ADD2: variants seen among roughly 807,000 people sequenced by gnomAD.
ADD2 encodes beta-adducin.
In ADD2, 23 loss-of-function variants were observed where a neutral mutation model predicts 83.0. The observed-to-expected ratio is 0.28, with a 90% CI of 0.20 to 0.39. The LOEUF (loss-of-function observed/expected upper bound fraction) is 0.39. ADD2 is among the 10% of genes least tolerant of loss of function. The probability of loss-of-function intolerance (pLI) is 1.00; values close to 1 mark genes in which losing one functional copy is unlikely to be tolerated. For missense variants in ADD2, 758 were observed against 944.9 expected, an observed-to-expected ratio of 0.80 and a Z score of 2.59; for synonymous variants, 375 against 375.4, an observed-to-expected ratio of 1.00 and a Z score of 0.01.
chr2:70,710,831 T>C (rs1180711213), intron 2 of ADD2, among the ~76,000 whole-genome samples: 13 of 152,220 alleles, frequency 8.5e-5, no homozygotes, highest in Admixed American at 7.8e-4. Flanking sequence ...TTAATGTATG[T>C]GGAGTATTTA....
rs1553364786 is a variant in ADD2 at position 70,660,269 on chromosome 2, C to T, written c.*3156G>A. On this transcript the variant is annotated 3_prime_UTR_variant, in exon 16 of 16. Coordinates refer to ENST00000264436, the MANE Select transcript of ADD2 (RefSeq NM_001617.4). ...CAAAATAAAACTGGAAACATTAGCTCTTTGAATGCTCCCCTCTCCTTGTTG... is the reference window on the plus strand; with the variant it reads ...CAAAATAAAACTGGAAACATTAGCTTTTTGAATGCTCCCCTCTCCTTGTTG... The T allele has an allele frequency of 6.6e-6, 1 of 152,222 alleles. No homozygotes were observed. The highest frequency in any genetic ancestry group is 1.5e-5 in the Non-Finnish European group (1 of 68,036). 9.4% of individuals were successfully genotyped at this position (152,222 alleles called of 1,614,324 possible). A position where few individuals can be genotyped will look rare whatever the true frequency, so the allele number is the denominator to read the frequency against.
At chr2:70,710,416 G>A (rs1553375277) in intron 2 of ADD2, among the ~76,000 whole-genome samples, 1 of 152,218 alleles carries the variant, frequency 6.6e-6, no homozygotes, top group South Asian at 2.1e-4. Context: ...TGGGCCTGAT[G>A]GACAGGAGCT....
rs565294795 is a variant in ADD2 at position 70,672,424 on chromosome 2, G to A, written c.1870+454C>T. Among the ~76,000 whole-genome samples, 109 of 152,300 alleles carry A rather than the reference G, an allele frequency of 7.2e-4. No individual in the cohort carries two copies. The South Asian group carries it at 0.017, about 23-fold the overall frequency. Reference sequence around the variant, plus strand: ...CAAGAATCAAGACGGTTAAAGCTCCGCAAGTGATTCCAATGTGCGGTTAAG... The same window carrying A: ...CAAGAATCAAGACGGTTAAAGCTCCACAAGTGATTCCAATGTGCGGTTAAG... On this transcript the variant is annotated intron_variant, in intron 15 of 15. Transcript: ENST00000264436.
intron 10 of ADD2, among the ~76,000 whole-genome samples, chr2:70,680,426 T>A (rs1490287571): frequency 6.6e-6 from 1 of 152,220 alleles, no homozygotes; most frequent in East Asian, 1.9e-4. Flanking sequence ...GTTGCCAAAG[T>A]TTTATCACAC....
intron 1 of ADD2, among the ~76,000 whole-genome samples, chr2:70,745,012 C>T (rs2104511074): frequency 6.6e-6 from 1 of 152,210 alleles, no homozygotes; most frequent in East Asian, 1.9e-4. Flanking sequence ...AACGGCCGGG[C>T]ACGGTGGCTC....
intron 6 of ADD2, 38 bp from the exon 7 acceptor site, chr2:70,692,590 T>C (rs782559837): frequency 6.5e-7 from 1 of 1,546,996 alleles, no homozygotes; most frequent in East Asian, 2.3e-5. Flanking sequence ...GGCAACAGGG[T>C]GGCCGAGGCC....
At chr2:70,709,461 G>T (rs894454437) in intron 2 of ADD2, among the ~76,000 whole-genome samples, 4 of 152,238 alleles carry the variant, frequency 2.6e-5, no homozygotes, top group African/African-American at 9.6e-5. Flanking sequence ...GAGTGAGTCA[G>T]GGATGTTGCT....
Position 70,676,903 on chromosome 2 carries a change from A to C in ADD2, c.1504-18T>G. 6.2e-7 allele frequency: 1 copy of C among 1,607,940 alleles called. No individual in the cohort carries two copies. The highest frequency in any genetic ancestry group is 2.2e-5 in the East Asian group (1 of 44,704). ...TCTCGAATCTGTGTGGAAAGGGGAG[A>C]GGAAGAGTGAGCTGGCTGTTCAGGG... On this transcript the variant is annotated intron_variant, in intron 12 of 15. Coordinates refer to ENST00000264436, the MANE Select transcript of ADD2 (RefSeq NM_001617.4). The surrounding 1 kb of genome is among the most constrained non-coding windows in gnomAD (Gnocchi z 4.8).
intron 6 of ADD2, 66 bp downstream of exon 6, chr2:70,695,655 C>G (rs1671269365): frequency 4.7e-6 from 7 of 1,478,674 alleles, no homozygotes; most frequent in Non-Finnish European, 6.6e-6. Context: ...TGACCTAGCA[C>G]TGTGGGAACA....
intron 1 of ADD2, among the ~76,000 whole-genome samples, chr2:70,740,791 C>A (rs1673848093): frequency 6.6e-6 from 1 of 152,140 alleles, no homozygotes; most frequent in Non-Finnish European, 1.5e-5. Flanking sequence ...CCTCCGCCTC[C>A]CGGCTTCAAG....
chr2:70,728,265 A>T (rs1435978272), intron 1 of ADD2, among the ~76,000 whole-genome samples: 3 of 152,218 alleles, frequency 2.0e-5, no homozygotes, highest in African/African-American at 7.2e-5. Flanking sequence ...CCATTGCCTT[A>T]AAAGGCCATT....
At chr2:70,664,704 CG>C (rs1214959272) in intron 15 of ADD2, among the ~76,000 whole-genome samples, 4 of 151,742 alleles carry the variant, frequency 2.6e-5, no homozygotes, top group Non-Finnish European at 5.9e-5. Flanking sequence ...TGGGTGAGCA[CG>C]TGTGAGTGTG....
chr2:70,716,305 TG>T (rs1355471936), intron 1 of ADD2, among the ~76,000 whole-genome samples: 1 of 152,094 alleles, frequency 6.6e-6, no homozygotes, highest in Non-Finnish European at 1.5e-5. Flanking sequence ...CCCAGCCCCC[TG>T]ACCTCTCTGC....
intron 1 of ADD2, among the ~76,000 whole-genome samples, chr2:70,726,498 G>C (rs1553378310): frequency 6.6e-6 from 1 of 152,158 alleles, no homozygotes; most frequent in African/African-American, 2.4e-5. Context: ...CCAAGAAGTA[G>C]TCTCATCCTT....
intron 1 of ADD2, among the ~76,000 whole-genome samples, chr2:70,733,560 G>T (rs1296426702): frequency 6.6e-6 from 1 of 152,222 alleles, no homozygotes; most frequent in African/African-American, 2.4e-5. Flanking sequence ...ATCATTGCCT[G>T]TTGAGGAAGG....
rs1278916307 is a variant in ADD2 at position 70,663,319 on chromosome 2, G to A, written c.*106C>T. 1 of 1,280,440 alleles carries A rather than the reference G, an allele frequency of 7.8e-7. No individual in the cohort carries two copies. The highest frequency in any genetic ancestry group is 1.1e-6 in the Non-Finnish European group (1 of 921,076). The allele number at this position is 1,280,440 out of a possible 1,614,324, so 79.3% of individuals were successfully genotyped here. On this transcript the variant is annotated 3_prime_UTR_variant, in exon 16 of 16. Transcript: ENST00000264436. ...AAGTTCCCCTTCCGAATGTGGTCCAGGGTCCTACTCTATCCCTCCTTAGCC... is the reference window on the plus strand; with the variant it reads ...AAGTTCCCCTTCCGAATGTGGTCCAAGGTCCTACTCTATCCCTCCTTAGCC...
In ADD2 at chr2:70,704,252, C is replaced by T. The variant is rs964908267; in HGVS notation, c.322+69G>A. The stretch of plus-strand genomic sequence containing the variant: ...TGGCAACCAGATGCTTCTTGCTGCT[C>T]CTCCCTCTCTTCCCCACCCCACCCT... On this transcript the variant is annotated intron_variant, in intron 4 of 15. Transcript: ENST00000264436. The T allele has an allele frequency of 1.0e-5, 15 of 1,445,660 alleles. No homozygotes were observed. The African/African-American group carries it at 2.0e-4, about 19-fold the overall frequency. 89.6% of individuals were successfully genotyped at this position (1,445,660 alleles called of 1,614,324 possible).
rs782227971 is a variant in ADD2 at position 70,704,450 on chromosome 2, C to T, written c.193G>A (p.Glu65Lys). ...TMILQSPSFR[E>K]ELEGLIQEQM... is the part of the protein sequence containing the mutation. ...TCCTGGATGAGGCCTTCCAGCTCCT[C>T]CCTGAAAGACTGAAGCAGGCCCCGA... The change falls in exon 4 of 16, where the codon GAG (glutamate) becomes AAG (lysine). Residue 65 changes from glutamate to lysine, a missense_variant. This residue lies in a region of ADD2 where 175 missense variants were observed against 192.1 expected (regional missense o/e 0.91). Coordinates refer to ENST00000264436, the MANE Select transcript of ADD2 (RefSeq NM_001617.4). 3 of 1,614,124 alleles carry T rather than the reference C, an allele frequency of 1.9e-6. No homozygotes were observed. The highest frequency in any genetic ancestry group is 2.7e-5 in the African/African-American group (2 of 75,038).
chr2:70,704,267 C>CCCCCCCCCCCCCCCCCCCCCCGA, intron 4 of ADD2, 54 bp downstream of exon 4: 1 of 1,066,672 alleles, frequency 9.4e-7, no homozygotes, highest in African/African-American at 1.6e-5. Flanking sequence ...CTCTCTTCCC[C>CCCCCCCCCCCCCCCCCCCCCCGA]ACCCCACCCT....
Sources: allele counts gnomAD v4.1 joint callset (sites outside exome capture counted in the v4.1 genomes callset), GRCh38; gene constraint gnomAD v4.1.1; regional missense constraint gnomAD v4.1.1; non-coding constraint Gnocchi (gnomAD v3.1); transcripts MANE v1.5; gene names NCBI Gene and HGNC (gene_info 2026-07-23, HGNC 2026-07-21).